Variants in ST6GALNAC3 observed in about 807,000 individuals in gnomAD.
ST6GALNAC3 encodes the protein ST6 N-acetylgalactosaminide alpha-2,6-sialyltransferase 3.
Under a neutral mutation model 32.7 loss-of-function variants are expected in ST6GALNAC3, and 25 were observed. That is an observed-to-expected ratio of 0.76 (90% confidence interval 0.56 to 1.07). The LOEUF is 1.07. Ranked by LOEUF, ST6GALNAC3 falls within the 50% of genes least tolerant of loss-of-function variation. The probability of loss-of-function intolerance (pLI) is 0.00; values close to 1 mark genes in which losing one functional copy is unlikely to be tolerated. For synonymous variants in ST6GALNAC3, 129 were observed against 133.1 expected (o/e 0.97, Z 0.21); for missense variants, 355 against 382.4 (o/e 0.93, Z 0.60).
rs138285443 is a variant in ST6GALNAC3 at position 76,492,402 on chromosome 1, A to C, written c.623+79985A>C. Among the ~76,000 whole-genome samples, 1,029 of 152,334 alleles carry C rather than the reference A, an allele frequency of 6.8e-3. 11 individuals are homozygous for C. The highest frequency in any genetic ancestry group is 0.018 in the South Asian group (89 of 4,828). ...AAAAGAAACAAAAAAAGACTGAAAA[A>C]TATAGGTATAGTAAAAATTAAAAGA... On this transcript the variant is annotated intron_variant, in intron 3 of 4. Coordinates refer to ENST00000328299, the MANE Select transcript of ST6GALNAC3 (RefSeq NM_152996.4).
chr1:76,236,509 AGT>A (rs1243823160), intron 1 of ST6GALNAC3, among the ~76,000 whole-genome samples: 4 of 152,202 alleles, frequency 2.6e-5, no homozygotes, highest in African/African-American at 9.7e-5. Context: ...GAACCTACTA[AGT>A]GTCAGATACT....
At chr1:76,598,473 T>G (rs1279668861) in intron 3 of ST6GALNAC3, among the ~76,000 whole-genome samples, 2 of 152,174 alleles carry the variant, frequency 1.3e-5, no homozygotes, top group African/African-American at 4.8e-5. Context: ...GAGATAGAAA[T>G]GTTTTGCAAA....
intron 3 of ST6GALNAC3, among the ~76,000 whole-genome samples, chr1:76,449,476 G>A (rs1211937057): frequency 6.6e-6 from 1 of 152,188 alleles, no homozygotes; most frequent in African/African-American, 2.4e-5. Context: ...AGCTTTGTAA[G>A]AAACCATCAA....
chr1:76,129,256 A>G (rs1649455000), intron 1 of ST6GALNAC3, among the ~76,000 whole-genome samples: 1 of 152,150 alleles, frequency 6.6e-6, no homozygotes, highest in African/African-American at 2.4e-5. Context: ...AGTTAGAGTA[A>G]GGGATGGGCG....
At chr1:76,445,102 G>A (rs1302202215) in intron 3 of ST6GALNAC3, among the ~76,000 whole-genome samples, 1 of 152,170 alleles carries the variant, frequency 6.6e-6, no homozygotes, top group Non-Finnish European at 1.5e-5. Flanking sequence ...ACATTTGTCA[G>A]TAGTTTTATG....
intron 3 of ST6GALNAC3, among the ~76,000 whole-genome samples, chr1:76,498,429 G>T (rs1232205658): frequency 2.0e-5 from 3 of 152,054 alleles, no homozygotes; most frequent in Admixed American, 6.6e-5. Flanking sequence ...CAAATGTGAG[G>T]GTCATTCAGG....
At chr1:76,313,251 T>C (rs1570785974) in intron 1 of ST6GALNAC3, among the ~76,000 whole-genome samples, 1 of 152,114 alleles carries the variant, frequency 6.6e-6, no homozygotes, top group South Asian at 2.1e-4. Context: ...ATGCCTGTAG[T>C]ATGTAAGGTA....
At chr1:76,467,084 A>G (rs529108660) in intron 3 of ST6GALNAC3, among the ~76,000 whole-genome samples, 5 of 152,188 alleles carry the variant, frequency 3.3e-5, no homozygotes, top group Admixed American at 3.3e-4. Flanking sequence ...TGGCATTTAT[A>G]TGATCTAATT....
At chr1:76,561,608 A>C (rs1438177900) in intron 3 of ST6GALNAC3, among the ~76,000 whole-genome samples, 1 of 152,202 alleles carries the variant, frequency 6.6e-6, no homozygotes, top group Non-Finnish European at 1.5e-5. Context: ...TACTGTCAAA[A>C]TGATAGATAA....
intron 1 of ST6GALNAC3, among the ~76,000 whole-genome samples, chr1:76,278,223 C>CTTTTTTTTTT (rs568694243): frequency 1.1e-4 from 12 of 113,766 alleles, no homozygotes; most frequent in East Asian, 3.2e-4. Flanking sequence ...GCTAGGCATT[C>CTTTTTTTTTT]TTTTTTTTTT....
chr1:76,077,810 A>G (rs147702085), intron 1 of ST6GALNAC3, among the ~76,000 whole-genome samples: 220 of 152,244 alleles, frequency 1.4e-3, no homozygotes, highest in African/African-American at 5.1e-3. Context: ...CTTTTTCTCA[A>G]TTGCCTTTAG....
chr1:76,499,335 T>C (rs571059369), intron 3 of ST6GALNAC3, among the ~76,000 whole-genome samples: 1 of 152,312 alleles, frequency 6.6e-6, no homozygotes, highest in African/African-American at 2.4e-5. Flanking sequence ...GGTGTGAACA[T>C]TGAGTTCCAT....
chr1:76,137,335 C>T (rs576673797), intron 1 of ST6GALNAC3, among the ~76,000 whole-genome samples: 2 of 152,330 alleles, frequency 1.3e-5, no homozygotes, highest in South Asian at 4.1e-4. Flanking sequence ...TGGGGAATTT[C>T]TAAGATTGAA....
intron 1 of ST6GALNAC3, among the ~76,000 whole-genome samples, chr1:76,177,728 C>G (rs1401038878): frequency 6.6e-6 from 1 of 152,138 alleles, no homozygotes; most frequent in Non-Finnish European, 1.5e-5. Flanking sequence ...CCATAAGCAG[C>G]AGAAAGTCTT....
At chr1:76,386,519 C>T (rs1047073896) in intron 2 of ST6GALNAC3, among the ~76,000 whole-genome samples, 12 of 152,148 alleles carry the variant, frequency 7.9e-5, no homozygotes, top group Non-Finnish European at 1.2e-4. Flanking sequence ...CAAATGTGCT[C>T]CTTCCTTATT....
chr1:76,173,725 A>G (rs997470546), intron 1 of ST6GALNAC3, among the ~76,000 whole-genome samples: 13 of 152,352 alleles, frequency 8.5e-5, no homozygotes, highest in African/African-American at 2.9e-4. Flanking sequence ...GCCAACAAAC[A>G]TACGAAGAAA....
intron 1 of ST6GALNAC3, among the ~76,000 whole-genome samples, chr1:76,124,907 T>C (rs1258926509): frequency 3.3e-5 from 5 of 150,938 alleles, no homozygotes; most frequent in Admixed American, 3.3e-4. Context: ...AAGAGTAAGA[T>C]ACACACCAGA....
chr1:76,507,304 A>G (rs1661537534), intron 3 of ST6GALNAC3, among the ~76,000 whole-genome samples: 1 of 152,196 alleles, frequency 6.6e-6, no homozygotes. Flanking sequence ...CACATGCTAT[A>G]TAATTTACCC....
At chr1:76,199,742 T>C (rs1351147113) in intron 1 of ST6GALNAC3, among the ~76,000 whole-genome samples, 1 of 152,224 alleles carries the variant, frequency 6.6e-6, no homozygotes, top group Non-Finnish European at 1.5e-5. Context: ...CTTAAAAAAT[T>C]CAGCAATAGT....
Sources: allele counts gnomAD v4.1 joint callset (sites outside exome capture counted in the v4.1 genomes callset), GRCh38; gene constraint gnomAD v4.1.1; transcripts MANE v1.5; gene names NCBI Gene and HGNC (gene_info 2026-07-23, HGNC 2026-07-21).